PI4KA: variants seen among roughly 807,000 people sequenced by gnomAD.
PI4KA encodes phosphatidylinositol 4-kinase alpha.
A neutral mutation model predicts 271.4 loss-of-function variants in PI4KA; 122 were observed. The observed-to-expected ratio is 0.45, with a 90% CI of 0.39 to 0.52. The LOEUF (loss-of-function observed/expected upper bound fraction) is 0.52, where lower values mean the gene tolerates loss of function less well. PI4KA is among the 20% of genes least tolerant of loss of function. The pLI, the probability that PI4KA is intolerant of heterozygous loss-of-function variation, is 0.00. For synonymous variants in PI4KA, 1,041 were observed against 1,078.8 expected (o/e 0.96, Z 0.69); for missense variants, 1,969 against 2,769.1 (o/e 0.71, Z 6.48).
intron 18 of PI4KA, among the ~76,000 whole-genome samples, chr22:20,795,907 A>C (rs1934955328): frequency 1.3e-5 from 2 of 152,172 alleles, no homozygotes; most frequent in Admixed American, 1.3e-4. Flanking sequence ...TCACCACCCT[A>C]GGATGGGTCG....
chr22:20,768,330 C>T (rs1360253553), intron 19 of PI4KA, among the ~76,000 whole-genome samples: 1 of 152,040 alleles, frequency 6.6e-6, no homozygotes, highest in East Asian at 1.9e-4. Context: ...TGTTGGCCTC[C>T]CCAAGTGTTG....
Position 20,807,373 on chromosome 22 carries a change from T to C in PI4KA, c.1157A>G (p.Tyr386Cys). 1 of 1,605,894 alleles carries C rather than the reference T, an allele frequency of 6.2e-7. No individual in the cohort carries two copies. The highest frequency in any genetic ancestry group is 8.5e-7 in the Non-Finnish European group (1 of 1,172,492). ...TMFKMLRDTL[Y>C]YMKDLPTSFV... The stretch of plus-strand genomic sequence containing the variant: ...CAAACTGTCCTCACCCTTCATGTAG[T>C]ACAGAGTGTCACGCAGCATCTTGAA... The change falls in exon 10 of 55, where the codon TAC becomes TGC. Residue 386 changes from tyrosine (Y) to cysteine (C), a missense_variant. Around this residue, in one of 13 missense-constraint regions of PI4KA, gnomAD observed 540 missense variants for 555.5 expected, o/e 0.97. Coordinates refer to ENST00000255882, the MANE Select transcript of PI4KA (RefSeq NM_058004.4).
chr22:20,828,407 G>A lies in PI4KA; in HGVS notation c.368-3993C>T, dbSNP rs372460088. The stretch of plus-strand genomic sequence containing the variant: ...CAGAACTATGCTGGATAGGAGAGGT[G>A]AGAGAGGGCATCTTTGTCTTGTTCT... On this transcript the variant is annotated intron_variant, in intron 3 of 54. Transcript: ENST00000255882. 1.1e-4 allele frequency among the ~76,000 whole-genome samples: 16 copies of A among 152,276 alleles called. No individual in the cohort carries two copies. In the South Asian group the frequency reaches 2.9e-3, roughly 28 times the overall value.
intron 1 of PI4KA, among the ~76,000 whole-genome samples, chr22:20,855,746 T>C (rs555804283): frequency 6.6e-6 from 1 of 152,354 alleles, no homozygotes; most frequent in South Asian, 2.1e-4. Context: ...ACCCTAAGTT[T>C]TTAATTTATG....
chr22:20,758,459 C>CTTTTTTTTTTTTTTTTTT (rs35401829), intron 23 of PI4KA, among the ~76,000 whole-genome samples: 7 of 85,028 alleles, frequency 8.2e-5, no homozygotes, highest in Non-Finnish European at 1.1e-4. Flanking sequence ...TCTTTCTTTT[C>CTTTTTTTTTTTTTTTTTT]TTTTTTTTTT....
At position 20,804,302 on chromosome 22, in the gene PI4KA, G is replaced by C; in HGVS notation, c.1459C>G (p.Gln487Glu). 2 of 1,608,460 alleles carry C rather than the reference G, an allele frequency of 1.2e-6. No individual in the cohort carries two copies. Among genetic ancestry groups the C allele is most frequent in the Non-Finnish European group, 1.7e-6 (2 of 1,174,748 alleles). ...TCTCTGGGTTCAGGGAGACTGACCT[G>C]CAGACAGCAGATCAGCAGGGGCAAG... ...AHLPLLICCL[Q>E]GLGRLCERFP... Residue 487 changes from glutamine to glutamate, a missense_variant and splice_region_variant, in exon 12 of 55, where the codon CAG (glutamine) becomes GAG (glutamate). By Grantham distance (29) the Gln-to-Glu change is conservative. Around this residue, in one of 13 missense-constraint regions of PI4KA, gnomAD observed 228 missense variants for 261.6 expected, o/e 0.87. Transcript: ENST00000255882.
At chr22:20,787,382 C>A in intron 19 of PI4KA, 2 of 396,860 alleles carry the variant, frequency 5.0e-6, no homozygotes, top group Non-Finnish European at 9.6e-6. Flanking sequence ...GCTCCGGTGA[C>A]CCCATCCTTG....
At chr22:20,776,011 A>T (rs565811504) in intron 19 of PI4KA, among the ~76,000 whole-genome samples, 53 of 152,270 alleles carry the variant, frequency 3.5e-4, no homozygotes, top group African/African-American at 1.2e-3. Flanking sequence ...TTCTATTTGC[A>T]GCTACATACA....
At chr22:20,858,499 C>T in intron 1 of PI4KA, 71 bp downstream of exon 1, 2 of 1,136,846 alleles carry the variant, frequency 1.8e-6, no homozygotes, top group Non-Finnish European at 1.1e-6. Context: ...CACAGACCCT[C>T]GTCCCGCCTC....
rs1173999682 is a variant in PI4KA at position 20,734,106 on chromosome 22, A to G, written c.3989T>C (p.Leu1330Pro). ...GCTCCCCTTGGCCCCGCCGATGTTC[A>G]GGGACATGGAGCGCTGCAGCAGGCT... ...FSSLLQRSMS[L>P]NIGGAKGSMN... Residue 1330 changes from leucine to proline, a missense_variant, in exon 34 of 55, where the codon CTG becomes CCG. By Grantham distance (98) the Leu-to-Pro change is moderately conservative (BLOSUM62 -3). Transcript: ENST00000255882. 15 of 1,607,056 alleles carry G rather than the reference A, an allele frequency of 9.3e-6. No homozygotes were observed. The highest frequency in any genetic ancestry group is 1.3e-5 in the Non-Finnish European group (15 of 1,177,614).
rs563737147 is a variant in PI4KA at position 20,799,618 on chromosome 22, C to G, written c.1820+53G>C. 1.5e-5 allele frequency: 20 copies of G among 1,295,758 alleles called. No homozygotes were observed. The East Asian group carries it at 4.6e-4, about 30-fold the overall frequency. 80.3% of individuals were successfully genotyped at this position (1,295,758 alleles called of 1,614,324 possible). On this transcript the variant is annotated intron_variant, in intron 15 of 54. Transcript: ENST00000255882. ...TACGCACAATGCCAGGTGCCCCACA[C>G]GAGCCTGCTGAGAACAATGGGCTGC...
intron 30 of PI4KA, among the ~76,000 whole-genome samples, chr22:20,743,119 A>G (rs1929657490): frequency 6.6e-6 from 1 of 152,102 alleles, no homozygotes; most frequent in Non-Finnish European, 1.5e-5. Flanking sequence ...CTCAAACTCA[A>G]TTAATGACTC....
rs361795 is a variant in PI4KA, at chr22:20,812,012, CAAAAAAA to C, written c.1006-987_1006-981del. On this transcript the variant is annotated intron_variant, in intron 8 of 54. Transcript: ENST00000255882. ...TGGGCGACAGGGCGAGACTCCATCTCAAAAAAAAAAAAAAAAAAAAGAAAACCTAAAC... is the reference window on the plus strand; with the variant it reads ...TGGGCGACAGGGCGAGACTCCATCTCAAAAAAAAAAAAAGAAAACCTAAAC... 5.9e-4 allele frequency among the ~76,000 whole-genome samples: 46 copies of C among 77,472 alleles called. 1 individual carries two copies. The highest frequency in any genetic ancestry group is 4.4e-3 in the Admixed American group (31 of 7,000). 50.8% of individuals were successfully genotyped at this position (77,472 alleles called of 152,430 possible).
chr22:20,769,466 G>A (rs971144670), intron 19 of PI4KA, among the ~76,000 whole-genome samples: 1 of 152,086 alleles, frequency 6.6e-6, no homozygotes, highest in Non-Finnish European at 1.5e-5. Flanking sequence ...TCAGGAGATC[G>A]AGATCAGCCT....
intron 1 of PI4KA, among the ~76,000 whole-genome samples, chr22:20,842,540 C>T (rs564397479): frequency 6.6e-6 from 1 of 152,290 alleles, no homozygotes; most frequent in Non-Finnish European, 1.5e-5. Flanking sequence ...AGGCCGGGCA[C>T]CGTGGCTCAC....
At chr22:20,741,602 C>A (rs747648788) in intron 32 of PI4KA, among the ~76,000 whole-genome samples, 18 of 152,164 alleles carry the variant, frequency 1.2e-4, no homozygotes, top group Middle Eastern at 3.2e-3. Context: ...CAGCCCGGAA[C>A]ATTTTAATTA....
chr22:20,762,036 TTTCTC>T (rs759021558), intron 22 of PI4KA, among the ~76,000 whole-genome samples: 14 of 152,220 alleles, frequency 9.2e-5, no homozygotes, highest in African/African-American at 1.2e-4. Context: ...ATTCCAGTGT[TTTCTC>T]TTCTCTTTTT....
At chr22:20,741,204 T>A (rs1313567844) in intron 32 of PI4KA, among the ~76,000 whole-genome samples, 1 of 152,222 alleles carries the variant, frequency 6.6e-6, no homozygotes, top group Non-Finnish European at 1.5e-5. Flanking sequence ...GGTATACAGC[T>A]GTCTCTGCAG....
intron 32 of PI4KA, chr22:20,736,279 G>A (rs1928709927): frequency 6.6e-6 from 1 of 151,490 alleles, no homozygotes; most frequent in African/African-American, 2.4e-5. Flanking sequence ...AAACTGATGG[G>A]ATGTGCTGAG....
Sources: allele counts gnomAD v4.1 joint callset (sites outside exome capture counted in the v4.1 genomes callset), GRCh38; gene constraint gnomAD v4.1.1; regional missense constraint gnomAD v4.1.1; transcripts MANE v1.5; gene names NCBI Gene and HGNC (gene_info 2026-07-23, HGNC 2026-07-21).